RNF19A: variants seen among roughly 807,000 people sequenced by gnomAD.
RNF19A encodes the protein ring finger protein 19A, RBR E3 ubiquitin protein ligase.
A neutral mutation model predicts 75.7 loss-of-function variants in RNF19A; 32 were observed. The observed-to-expected ratio is 0.42, with a 90% CI of 0.32 to 0.57. The LOEUF is 0.57. Among genes scored for constraint, RNF19A ranks in the 20% least tolerant of loss-of-function variants. The pLI is 0.10. For missense variants in RNF19A, 782 were observed against 1,036.3 expected (o/e 0.75, Z 3.37); for synonymous variants, 335 against 345.2 (o/e 0.97, Z 0.33).
At chr8:100,283,328 A>G (rs950397739) in intron 2 of RNF19A, among the ~76,000 whole-genome samples, 3 of 152,204 alleles carry the variant, frequency 2.0e-5, no homozygotes, top group Non-Finnish European at 4.4e-5. Context: ...AGATATTTTT[A>G]TTCAAGGCAG....
chr8:100,328,903 G>T (rs958918538), intron 1 of RNF19A, among the ~76,000 whole-genome samples: 1 of 152,130 alleles, frequency 6.6e-6, no homozygotes, highest in Non-Finnish European at 1.5e-5. Context: ...AAGGGAATAG[G>T]ACCCCCAGAT....
At chr8:100,292,730 T>A (rs538640426) in intron 1 of RNF19A, among the ~76,000 whole-genome samples, 38 of 152,322 alleles carry the variant, frequency 2.5e-4, no homozygotes, top group Middle Eastern at 3.4e-3. Context: ...TGAATAATGA[T>A]CTTTCCTCCA....
At chr8:100,309,400 T>C in intron 1 of RNF19A, 1 of 985,630 alleles carries the variant, frequency 1.0e-6, no homozygotes, top group Non-Finnish European at 1.2e-6. Flanking sequence ...ATCGGTCCCG[T>C]TAGAGCCGAT....
chr8:100,283,546 T>C (rs1319411183), intron 2 of RNF19A, among the ~76,000 whole-genome samples: 1 of 152,084 alleles, frequency 6.6e-6, no homozygotes. Flanking sequence ...TTCAAACAAG[T>C]ATGATCAGTC....
chr8:100,318,220 C>T (rs1351799338), intron 1 of RNF19A, among the ~76,000 whole-genome samples: 1 of 152,096 alleles, frequency 6.6e-6, no homozygotes, highest in African/African-American at 2.4e-5. Flanking sequence ...TTTGTTTTTG[C>T]CTTCTGGAAA....
At chr8:100,297,652 T>TA (rs1280805956) in intron 1 of RNF19A, among the ~76,000 whole-genome samples, 1 of 152,168 alleles carries the variant, frequency 6.6e-6, no homozygotes, top group Non-Finnish European at 1.5e-5. Context: ...AGGCAGAACT[T>TA]AGAGGACAGA....
Position 100,317,366 on chromosome 8 carries a change from TATG to T in RNF19A, c.-242-3997_-242-3995del, listed in dbSNP as rs1170626427. Among the ~76,000 whole-genome samples the T allele has an allele frequency of 1.3e-5, 2 of 152,252 alleles. No homozygotes were observed. Among genetic ancestry groups the T allele is most frequent in the Admixed American group, 1.3e-4 (2 of 15,286 alleles). On this transcript the variant is annotated intron_variant, in intron 1 of 3. Transcript: ENST00000519527. The surrounding 1 kb of genome is among the most constrained non-coding windows in gnomAD (Gnocchi z 4.3). ...CACCTCTCATAAGTGTTTCAGTCAT[TATG>T]ATAATATCCCAACTTCAGGAAGTTT...
At chr8:100,321,321 C>T (rs965843732) in intron 1 of RNF19A, among the ~76,000 whole-genome samples, 2 of 152,236 alleles carry the variant, frequency 1.3e-5, no homozygotes, top group African/African-American at 2.4e-5. Flanking sequence ...ATGTTTCCAG[C>T]ATCTTCTCCA....
Position 100,287,388 on chromosome 8 carries a change from GT to G in RNF19A, c.674+112del. ...CTGACATATGGTGTGCACTCAACAT[GT>G]CTGTTGAATGAATTCTCCAGCATGT... On this transcript the variant is annotated intron_variant, in intron 2 of 9. Transcript: ENST00000341084. The surrounding 1 kb of genome is among the most constrained non-coding windows in gnomAD (Gnocchi z 4.1). The G allele has an allele frequency of 2.2e-6, 2 of 895,972 alleles. No individual in the cohort carries two copies. Among genetic ancestry groups the G allele is most frequent in the Non-Finnish European group, 3.4e-6 (2 of 592,586 alleles). 55.5% of individuals were successfully genotyped at this position (895,972 alleles called of 1,614,324 possible). A position where few individuals can be genotyped will look rare whatever the true frequency, so the allele number is the denominator to read the frequency against.
chr8:100,321,090 G>A (rs1019806338), intron 1 of RNF19A, among the ~76,000 whole-genome samples: 1 of 152,182 alleles, frequency 6.6e-6, no homozygotes, highest in South Asian at 2.1e-4. Flanking sequence ...GAGAGTTAGG[G>A]TAGCTGTGGC....
In RNF19A at chr8:100,284,896, T is replaced by C. The variant is rs2861349; in HGVS notation, c.674+2605A>G. Among the ~76,000 whole-genome samples the C allele has an allele frequency of 0.011, 1,600 of 152,192 alleles. 24 individuals carry two copies. The highest frequency in any genetic ancestry group is 0.036 in the African/African-American group (1,504 of 41,530). ...TAAATTGGAACACTTGAGAAAGAAATGTAGTGCTATTAAAAATTGTATCAG... is the reference window on the plus strand; with the variant it reads ...TAAATTGGAACACTTGAGAAAGAAACGTAGTGCTATTAAAAATTGTATCAG... On this transcript the variant is annotated intron_variant, in intron 2 of 9. Coordinates refer to ENST00000341084, the MANE Select transcript of RNF19A (RefSeq NM_183419.4). This position sits in a 1 kb window ranked among gnomAD's most constrained non-coding sequence, Gnocchi z 4.3.
Position 100,259,049 on chromosome 8 carries a change from C to T in RNF19A, c.2024G>A (p.Ser675Asn), listed in dbSNP as rs1819587682. 1.2e-6 allele frequency: 2 copies of T among 1,614,070 alleles called. No individual in the cohort carries two copies. The highest frequency in any genetic ancestry group is 1.7e-5 in the Admixed American group (1 of 59,994). The change falls in exon 10 of 10, where the codon AGT (serine) becomes AAT (asparagine). Residue 675 changes from serine (S) to asparagine (N), a missense_variant. Coordinates refer to ENST00000341084, the MANE Select transcript of RNF19A (RefSeq NM_183419.4). The surrounding 1 kb of genome is among the most constrained non-coding windows in gnomAD (Gnocchi z 4.5). ...GTTACCCTTTTTCCTCAGTTTACCA[C>T]TTTTTGATTTTTTCCCTGCTGTTGC... Reference protein sequence around the residue: ...KEATAGKKSKSGKLRKKGNMK... With the variant: ...KEATAGKKSKNGKLRKKGNMK...
intron 1 of RNF19A, chr8:100,309,397 C>T (rs1563869595): frequency 5.1e-6 from 5 of 985,524 alleles, no homozygotes; most frequent in Non-Finnish European, 6.0e-6. Flanking sequence ...GAAATCGGTC[C>T]CGTTAGAGCC....
At chr8:100,312,170 C>G (rs149354412), upstream of RNF19A, among the ~76,000 whole-genome samples, 285 of 152,296 alleles carry the variant, frequency 1.9e-3, no homozygotes, top group Non-Finnish European at 3.7e-3. Context: ...CGGAAATATC[C>G]CTGTGCTCTC....
At chr8:100,319,187 G>T (rs1275613593) in intron 1 of RNF19A, among the ~76,000 whole-genome samples, 1 of 152,144 alleles carries the variant, frequency 6.6e-6, no homozygotes, top group Non-Finnish European at 1.5e-5. Context: ...GATAAATTGA[G>T]CTTGTAGTTA....
intron 3 of RNF19A, among the ~76,000 whole-genome samples, chr8:100,271,155 CTTT>C (rs76372478): frequency 3.0e-5 from 4 of 131,292 alleles, no homozygotes; most frequent in Non-Finnish European, 5.0e-5. Context: ...ACCAAAGATG[CTTT>C]TTTTTTTTTT....
rs1822636284 is a variant in RNF19A at position 100,333,507 on chromosome 8, T to TTATA, written c.-243+2600_-243+2601insTATA. On this transcript the variant is annotated intron_variant, in intron 1 of 3. Transcript: ENST00000519527. This position sits in a 1 kb window ranked among gnomAD's most constrained non-coding sequence, Gnocchi z 4.7. ...ATTCAAGATTGCTTATACAGCGAGA[T>TTATA]CAGTACCATATAAAAGTATATCAAA... 6.6e-6 allele frequency among the ~76,000 whole-genome samples: 1 copy of TTATA among 152,206 alleles called. No individual in the cohort carries two copies. The highest frequency in any genetic ancestry group is 1.5e-5 in the Non-Finnish European group (1 of 68,046).
At chr8:100,267,077 G>A (rs1820018401) in intron 5 of RNF19A, among the ~76,000 whole-genome samples, 1 of 152,120 alleles carries the variant, frequency 6.6e-6, no homozygotes, top group South Asian at 2.1e-4. Context: ...TAACAATTTT[G>A]TAACAATTAG....
At chr8:100,303,722 G>A (rs1467261954) in intron 1 of RNF19A, among the ~76,000 whole-genome samples, 8 of 142,034 alleles carry the variant, frequency 5.6e-5, no homozygotes, top group Non-Finnish European at 1.2e-4. Flanking sequence ...CCAGGAGTTC[G>A]AAATCAGCCT....
Sources: gnomAD v4.1 joint callset for allele counts (sites outside exome capture counted in the v4.1 genomes callset) on GRCh38, gnomAD v4.1.1 for gene constraint, Gnocchi (gnomAD v3.1) non-coding constraint, MANE v1.5 for transcripts, NCBI Gene and HGNC (gene_info 2026-07-23, HGNC 2026-07-21) for gene names.